The following MB21D2 variants were observed in gnomAD, a reference collection of about 807,000 sequenced individuals.
MB21D2 encodes nucleotidyltransferase MB21D2.
MB21D2 carries 9 observed loss-of-function variants against 33.3 expected under a neutral mutation model. That is an observed-to-expected ratio of 0.27 (90% CI 0.16 to 0.47). The LOEUF (loss-of-function observed/expected upper bound fraction) is 0.47. Among genes scored for constraint, MB21D2 ranks in the 20% least tolerant of loss-of-function variants. The probability of loss-of-function intolerance (pLI) is 0.99; values close to 1 mark genes in which losing one functional copy is unlikely to be tolerated. For missense variants in MB21D2, 540 were observed against 624.6 expected (o/e 0.86, Z 1.44); for synonymous variants, 241 against 236.3 (o/e 1.02, Z -0.18).
intron 1 of MB21D2, among the ~76,000 whole-genome samples, chr3:192,895,729 GTTTT>G (rs5855465): frequency 2.6e-5 from 4 of 151,758 alleles, no homozygotes; most frequent in Non-Finnish European, 5.9e-5. Context: ...GGTTTTTGGG[GTTTT>G]TTTTTGTTTG....
intron 1 of MB21D2, among the ~76,000 whole-genome samples, chr3:192,872,542 C>T (rs972924961): frequency 3.4e-5 from 5 of 149,034 alleles, no homozygotes; most frequent in African/African-American, 1.0e-4. Flanking sequence ...CGCCACTGCA[C>T]TCCAGCCTGG....
At chr3:192,850,658 C>G (rs1273495107) in intron 1 of MB21D2, among the ~76,000 whole-genome samples, 5 of 152,198 alleles carry the variant, frequency 3.3e-5, no homozygotes, top group Admixed American at 3.3e-4. Context: ...CCGAATCAGC[C>G]CTGAGCAAAC....
chr3:192,816,747 A>G (rs1282056924), intron 1 of MB21D2, among the ~76,000 whole-genome samples: 1 of 152,154 alleles, frequency 6.6e-6, no homozygotes, highest in Non-Finnish European at 1.5e-5. Flanking sequence ...GATGATGTGG[A>G]TGCCGTGATA....
At chr3:192,859,785 T>C (rs73890346) in intron 1 of MB21D2, among the ~76,000 whole-genome samples, 8,373 of 152,168 alleles carry the variant, frequency 0.055, 757 homozygotes, top group African/African-American at 0.19. Context: ...AAAGTAGACA[T>C]TGACAAGAAC....
chr3:192,809,813 T>C (rs1279001700), intron 1 of MB21D2, among the ~76,000 whole-genome samples: 3 of 152,232 alleles, frequency 2.0e-5, no homozygotes, highest in Non-Finnish European at 4.4e-5. Flanking sequence ...CACGTGTGCG[T>C]GTGCATCTGT....
chr3:192,840,093 A>G (rs1039774467), intron 1 of MB21D2, among the ~76,000 whole-genome samples: 4 of 152,214 alleles, frequency 2.6e-5, no homozygotes, highest in African/African-American at 9.6e-5. Flanking sequence ...AAATGTTTCA[A>G]AAAGAGATAT....
intron 1 of MB21D2, among the ~76,000 whole-genome samples, chr3:192,871,296 A>G (rs1713290711): frequency 6.6e-6 from 1 of 152,238 alleles, no homozygotes; most frequent in South Asian, 2.1e-4. Flanking sequence ...TACCTTATGA[A>G]AAATGACGGT....
intron 1 of MB21D2, among the ~76,000 whole-genome samples, chr3:192,852,627 G>A (rs373387858): frequency 4.2e-4 from 64 of 152,256 alleles, no homozygotes; most frequent in African/African-American, 1.5e-3. Context: ...GAATCCAAAA[G>A]CAATAAATAC....
At chr3:192,913,287 C>G (rs1714393863) in intron 1 of MB21D2, among the ~76,000 whole-genome samples, 1 of 151,906 alleles carries the variant, frequency 6.6e-6, no homozygotes, top group Admixed American at 6.6e-5. Flanking sequence ...CTCCTAGCTA[C>G]TTGGGAGGCT....
At chr3:192,897,886 G>A (rs1328923284) in intron 1 of MB21D2, among the ~76,000 whole-genome samples, 4 of 152,052 alleles carry the variant, frequency 2.6e-5, no homozygotes, top group Non-Finnish European at 5.9e-5. Context: ...GGAGGTGGAG[G>A]TGGGAGAAGC....
intron 1 of MB21D2, among the ~76,000 whole-genome samples, chr3:192,831,509 G>A (rs1044205603): frequency 2.0e-5 from 3 of 152,184 alleles, no homozygotes; most frequent in Admixed American, 2.0e-4. Flanking sequence ...CTGAGACTGG[G>A]TTTTCTCAAC....
At chr3:192,816,125 T>A (rs200962808) in intron 1 of MB21D2, among the ~76,000 whole-genome samples, 1 of 152,132 alleles carries the variant, frequency 6.6e-6, no homozygotes, top group East Asian at 1.9e-4. Context: ...GACGACAGAT[T>A]AAATGCAGAC....
At chr3:192,802,278 C>T (rs966845130) in intron 1 of MB21D2, among the ~76,000 whole-genome samples, 1 of 152,164 alleles carries the variant, frequency 6.6e-6, no homozygotes, top group Non-Finnish European at 1.5e-5. Flanking sequence ...AATGATGCGC[C>T]TGCAGGGAAG....
chr3:192,911,043 C>T (rs1347643433), intron 1 of MB21D2, among the ~76,000 whole-genome samples: 1 of 152,176 alleles, frequency 6.6e-6, no homozygotes, highest in African/African-American at 2.4e-5. Flanking sequence ...ACTTGCCCAA[C>T]GTCACACAGC....
At chr3:192,863,250 G>C (rs2108634682) in intron 1 of MB21D2, among the ~76,000 whole-genome samples, 1 of 152,340 alleles carries the variant, frequency 6.6e-6, no homozygotes, top group African/African-American at 2.4e-5. Context: ...GCACTGGCCT[G>C]CCAGGTCCTT....
At chr3:192,843,328 G>T (rs1211130216) in intron 1 of MB21D2, among the ~76,000 whole-genome samples, 1 of 152,168 alleles carries the variant, frequency 6.6e-6, no homozygotes, top group Non-Finnish European at 1.5e-5. Context: ...ACATGTCAGA[G>T]TGGAATGCTC....
intron 1 of MB21D2, among the ~76,000 whole-genome samples, chr3:192,840,415 CTTTTTTTTTTTTTTTT>C (rs71177380): frequency 1.5e-3 from 131 of 88,294 alleles, no homozygotes; most frequent in South Asian, 2.7e-3. Flanking sequence ...TCTCTTTTTT[CTTTTTTTTTTTTTTTT>C]TTTTTTTTTG....
chr3:192,853,383 A>C (rs1429726543), intron 1 of MB21D2, among the ~76,000 whole-genome samples: 1 of 152,188 alleles, frequency 6.6e-6, no homozygotes, highest in African/African-American at 2.4e-5. Context: ...ATAGAAGGTA[A>C]CTTTTATCAC....
chr3:192,838,036 C>T (rs1712478360), intron 1 of MB21D2, among the ~76,000 whole-genome samples: 1 of 152,258 alleles, frequency 6.6e-6, no homozygotes, highest in Non-Finnish European at 1.5e-5. Context: ...CTGCATATCT[C>T]CTGCACAGGC....
Sources: allele counts gnomAD v4.1 joint callset (sites outside exome capture counted in the v4.1 genomes callset), GRCh38; gene constraint gnomAD v4.1.1; transcripts MANE v1.5; gene names NCBI Gene and HGNC (gene_info 2026-07-23, HGNC 2026-07-21).